Variants in KCNIP1 observed in about 807,000 individuals in gnomAD.
KCNIP1 encodes the protein A-type potassium channel modulatory protein KCNIP1.
Under a neutral mutation model 33.0 loss-of-function variants are expected in KCNIP1, and 18 were observed. That is an observed-to-expected ratio of 0.55 (90% CI 0.38 to 0.81). The LOEUF (loss-of-function observed/expected upper bound fraction) is 0.81, where lower values mean the gene tolerates loss of function less well. Among genes scored for constraint, KCNIP1 ranks in the 30% least tolerant of loss-of-function variants. KCNIP1 has a pLI of 0.00. For synonymous variants in KCNIP1, 93 were observed against 98.3 expected (o/e 0.95, Z 0.32); for missense variants, 238 against 271.6 (o/e 0.88, Z 0.87).
chr5:170,488,775 G>A (rs558899735), intron 1 of KCNIP1, among the ~76,000 whole-genome samples: 11 of 152,294 alleles, frequency 7.2e-5, no homozygotes, highest in South Asian at 6.2e-4. Context: ...AACAGAGCCC[G>A]GGGAAGGGTG....
intron 1 of KCNIP1, among the ~76,000 whole-genome samples, chr5:170,405,454 T>C (rs562621394): frequency 7.8e-4 from 119 of 152,326 alleles, no homozygotes; most frequent in African/African-American, 2.7e-3. Flanking sequence ...TCTGCTCACC[T>C]TGGCCTCCCA....
At chr5:170,378,457 TAGAG>T (rs1182232577) in intron 1 of KCNIP1, 5 of 506,644 alleles carry the variant, frequency 9.9e-6, no homozygotes, top group Non-Finnish European at 1.7e-5. Flanking sequence ...GGACAGGTAA[TAGAG>T]AGCTAGAACT....
At chr5:170,460,402 C>T (rs1756479082) in intron 1 of KCNIP1, among the ~76,000 whole-genome samples, 1 of 152,110 alleles carries the variant, frequency 6.6e-6, no homozygotes, top group African/African-American at 2.4e-5. Flanking sequence ...AAACTACAGA[C>T]CAATATCCCT....
rs1757161081 is a variant in KCNIP1, at chr5:170,489,418, G to C, written c.88+135454G>C. Among the ~76,000 whole-genome samples the C allele has an allele frequency of 6.6e-6, 1 of 152,120 alleles. No individual in the cohort carries two copies. The highest frequency in any genetic ancestry group is 2.4e-5 in the African/African-American group (1 of 41,422). ...CCTCGTGCAGGAGGCCCCTGGGCAA[G>C]GGCCGGCCCTTCTCCTCTCCCTCAG... On this transcript the variant is annotated intron_variant, in intron 1 of 7. Coordinates refer to the KCNIP1 transcript ENST00000377360. This position sits in a 1 kb window ranked among gnomAD's most constrained non-coding sequence, Gnocchi z 4.3.
intron 1 of KCNIP1, among the ~76,000 whole-genome samples, chr5:170,712,198 C>T (rs1034132976): frequency 2.0e-5 from 3 of 152,130 alleles, no homozygotes; most frequent in Non-Finnish European, 4.4e-5. Flanking sequence ...GGGACTTGGC[C>T]GGCATCCACT....
intron 1 of KCNIP1, among the ~76,000 whole-genome samples, chr5:170,514,374 G>A (rs1390123856): frequency 6.6e-6 from 1 of 152,158 alleles, no homozygotes; most frequent in African/African-American, 2.4e-5. Context: ...ACTCAGCAGG[G>A]GTGTCTTCAG....
Position 170,541,333 on chromosome 5 carries a change from C to T in KCNIP1, c.61+36700C>T, listed in dbSNP as rs553028492. Among the ~76,000 whole-genome samples the T allele has an allele frequency of 2.5e-4, 38 of 152,330 alleles. No homozygotes were observed. In the South Asian group the frequency reaches 7.9e-3, roughly 32 times the overall value. ...GGACTGGTCATTTCTCACCGTCACCCCCTGGAGTCTGCCCCAATCATTTCT... is the reference window on the plus strand; with the variant it reads ...GGACTGGTCATTTCTCACCGTCACCTCCTGGAGTCTGCCCCAATCATTTCT... On this transcript the variant is annotated intron_variant, in intron 1 of 7. Transcript: ENST00000328939.
chr5:170,624,661 G>T (rs1759743741), intron 1 of KCNIP1, among the ~76,000 whole-genome samples: 1 of 149,512 alleles, frequency 6.7e-6, no homozygotes. Flanking sequence ...GACCTGTCTT[G>T]GTGCCTCAGT....
chr5:170,553,525 C>T (rs557972303), intron 1 of KCNIP1, among the ~76,000 whole-genome samples: 1 of 152,346 alleles, frequency 6.6e-6, no homozygotes, highest in South Asian at 2.1e-4. Flanking sequence ...ATACCACCTG[C>T]TCTCGGTTGT....
intron 1 of KCNIP1, among the ~76,000 whole-genome samples, chr5:170,436,071 C>G (rs1755855767): frequency 6.6e-6 from 1 of 152,180 alleles, no homozygotes; most frequent in Non-Finnish European, 1.5e-5. Context: ...CTTCAATCCA[C>G]CCTACAGGAC....
In KCNIP1 at chr5:170,736,099, C is replaced by T. The variant is rs916281529; in HGVS notation, c.*293C>T. 4.8e-6 allele frequency: 2 copies of T among 412,580 alleles called. No homozygotes were observed. The highest frequency in any genetic ancestry group is 6.7e-4 in the Middle Eastern group (1 of 1,494). The allele number at this position is 412,580 out of a possible 1,614,324, so 25.6% of individuals were successfully genotyped here. ...TGCTGCCCTATGGAAGGTCCCTCTG[C>T]TTAAGCTTAAACAGTAGTGCACAAA... On this transcript the variant is annotated 3_prime_UTR_variant, in exon 8 of 8. Coordinates refer to ENST00000328939, the MANE Select transcript of KCNIP1 (RefSeq NM_014592.4).
intron 7 of KCNIP1, 88 bp from the exon 8 acceptor site, chr5:170,735,671 C>T: frequency 1.8e-6 from 2 of 1,138,952 alleles, no homozygotes; most frequent in East Asian, 2.3e-5. Flanking sequence ...ATATAGGAAA[C>T]CCATGCTTGA....
At chr5:170,582,546 C>A (rs1194300614) in intron 1 of KCNIP1, among the ~76,000 whole-genome samples, 1 of 152,140 alleles carries the variant, frequency 6.6e-6, no homozygotes, top group Non-Finnish European at 1.5e-5. Context: ...CAAAGGCCAC[C>A]CATAAATGTG....
intron 1 of KCNIP1, among the ~76,000 whole-genome samples, chr5:170,458,372 G>C (rs753465181): frequency 3.3e-5 from 5 of 151,540 alleles, no homozygotes; most frequent in Non-Finnish European, 5.9e-5. Flanking sequence ...ATTGCAAAAA[G>C]ATCATTACTT....
intron 1 of KCNIP1, among the ~76,000 whole-genome samples, chr5:170,618,264 C>A (rs1299333605): frequency 6.6e-6 from 1 of 151,956 alleles, no homozygotes; most frequent in African/African-American, 2.4e-5. Flanking sequence ...GGCTTCCCTG[C>A]AAGGGACTTT....
chr5:170,554,886 C>G lies in KCNIP1; in HGVS notation c.61+50253C>G, dbSNP rs375194206. Among the ~76,000 whole-genome samples the G allele has an allele frequency of 2.0e-5, 3 of 152,306 alleles. No individual in the cohort carries two copies. The South Asian group carries it at 6.2e-4, about 32-fold the overall frequency. ...GAAAGGGGGGATACACTCATCCTGG[C>G]TCCATTTAGGGTGGGCTTTTAATCC... is the stretch of plus-strand genomic sequence containing the variant. On this transcript the variant is annotated intron_variant, in intron 1 of 7. Transcript: ENST00000328939.
intron 1 of KCNIP1, among the ~76,000 whole-genome samples, chr5:170,373,417 A>G (rs1291809651): frequency 6.6e-6 from 1 of 152,190 alleles, no homozygotes; most frequent in African/African-American, 2.4e-5. Context: ...TTTCATCATC[A>G]GGACCCTTTT....
intron 1 of KCNIP1, among the ~76,000 whole-genome samples, chr5:170,546,379 G>A (rs1408124584): frequency 1.3e-5 from 2 of 152,164 alleles, no homozygotes; most frequent in Non-Finnish European, 2.9e-5. Flanking sequence ...GCTGCATAGA[G>A]CACTTAGCAG....
intron 1 of KCNIP1, chr5:170,383,327 G>C: frequency 1.8e-6 from 1 of 558,184 alleles, no homozygotes. Flanking sequence ...GCTTTTGTTT[G>C]AGTGCCCACT....
Sources: allele counts gnomAD v4.1 joint callset (sites outside exome capture counted in the v4.1 genomes callset), GRCh38; gene constraint gnomAD v4.1.1; non-coding constraint Gnocchi (gnomAD v3.1); transcripts MANE v1.5; gene names NCBI Gene and HGNC (gene_info 2026-07-23, HGNC 2026-07-21).